SENP1: variants seen among roughly 807,000 people sequenced by gnomAD.
SENP1 encodes the protein SUMO specific peptidase 1.
In SENP1, 21 loss-of-function variants were observed where a neutral mutation model predicts 93.0. The observed-to-expected ratio is 0.23, with a 90% CI of 0.16 to 0.33. The LOEUF (loss-of-function observed/expected upper bound fraction) is 0.33. Ranked by LOEUF, SENP1 falls within the 10% of genes least tolerant of loss-of-function variation. The probability of loss-of-function intolerance (pLI) is 1.00; values close to 1 mark genes in which losing one functional copy is unlikely to be tolerated. For synonymous variants in SENP1, 256 were observed against 259.6 expected (o/e 0.99, Z 0.13); for missense variants, 591 against 758.7 (o/e 0.78, Z 2.60).
In SENP1 at chr12:48,067,067, G is replaced by A. The variant is rs995149503; in HGVS notation, c.996-102C>T. 5.9e-5 allele frequency: 45 copies of A among 762,108 alleles called. No individual in the cohort carries two copies. In the Admixed American group the frequency reaches 1.1e-3, roughly 18 times the overall value. The allele number at this position is 762,108 out of a possible 1,614,324, so 47.2% of individuals were successfully genotyped here. A position where few individuals can be genotyped will look rare whatever the true frequency, so the allele number is the denominator to read the frequency against. Reference sequence around the variant, plus strand: ...ACAATCATTTAAATTGTTTATATGAGTGCTTTACAAGTATGGAATAAGTAA... The same window carrying A: ...ACAATCATTTAAATTGTTTATATGAATGCTTTACAAGTATGGAATAAGTAA... On this transcript the variant is annotated intron_variant, in intron 9 of 17. Coordinates refer to ENST00000549518, the MANE Select transcript of SENP1 (RefSeq NM_001267594.2).
chr12:48,099,803 T>C (rs1945800095), intron 2 of SENP1, among the ~76,000 whole-genome samples: 1 of 152,224 alleles, frequency 6.6e-6, no homozygotes, highest in Non-Finnish European at 1.5e-5. Context: ...AGTGAGACCC[T>C]GTCTCTAATA....
rs1470068307 is a variant in SENP1, at chr12:48,065,354, T to G, written c.1120-134A>C. The G allele has an allele frequency of 5.3e-6, 4 of 753,090 alleles. No homozygotes were observed. The African/African-American group carries it at 7.1e-5, about 13-fold the overall frequency. 46.7% of individuals were successfully genotyped at this position (753,090 alleles called of 1,614,324 possible). A position where few individuals can be genotyped will look rare whatever the true frequency, so the allele number is the denominator to read the frequency against. ...TAAATGCCCATTGCTTTCGCTTTTT[T>G]GTAAAGTCAAAAAATCATTAGTCGA... is the stretch of plus-strand genomic sequence containing the variant. On this transcript the variant is annotated intron_variant, in intron 11 of 17. Coordinates refer to ENST00000549518, the MANE Select transcript of SENP1 (RefSeq NM_001267594.2).
intron 6 of SENP1, among the ~76,000 whole-genome samples, chr12:48,078,694 A>G (rs1479298186): frequency 6.6e-6 from 1 of 152,024 alleles, no homozygotes; most frequent in African/African-American, 2.4e-5. Context: ...CTAACTGACA[A>G]TCTTATTTCT....
intron 17 of SENP1, 53 bp from the exon 18 acceptor site, chr12:48,045,437 TA>T: frequency 1.4e-6 from 2 of 1,453,094 alleles, no homozygotes. Flanking sequence ...CTAGACCTGA[TA>T]CGCCTTTCCC....
chr12:48,069,810 T>C (rs76132129), intron 9 of SENP1, among the ~76,000 whole-genome samples: 219 of 152,268 alleles, frequency 1.4e-3, no homozygotes, highest in African/African-American at 5.2e-3. Context: ...ATCCAAACTA[T>C]GAAGTCTCCC....
intron 13 of SENP1, among the ~76,000 whole-genome samples, chr12:48,052,160 C>T (rs1941865176): frequency 2.0e-5 from 3 of 152,162 alleles, no homozygotes; most frequent in African/African-American, 4.8e-5. Flanking sequence ...GAAAAGCCTA[C>T]AATGTTTTCA....
chr12:48,049,555 C>T (rs1941638510), intron 13 of SENP1, among the ~76,000 whole-genome samples: 1 of 152,192 alleles, frequency 6.6e-6, no homozygotes, highest in South Asian at 2.1e-4. Flanking sequence ...ATACTGAGCT[C>T]AGTTAGCGCC....
At chr12:48,077,318 G>A (rs771246210) in intron 6 of SENP1, among the ~76,000 whole-genome samples, 6 of 152,184 alleles carry the variant, frequency 3.9e-5, no homozygotes, top group Non-Finnish European at 8.8e-5. Flanking sequence ...ATGACTTTGC[G>A]TGCAAATCCA....
intron 12 of SENP1, among the ~76,000 whole-genome samples, chr12:48,064,205 A>G (rs566441149): frequency 6.6e-6 from 1 of 152,368 alleles, no homozygotes; most frequent in African/African-American, 2.4e-5. Flanking sequence ...AGAATTTTTC[A>G]TAAAAGGTAG....
At chr12:48,073,814 T>C (rs937798465) in intron 8 of SENP1, among the ~76,000 whole-genome samples, 1 of 152,182 alleles carries the variant, frequency 6.6e-6, no homozygotes, top group African/African-American at 2.4e-5. Flanking sequence ...ACAGAGAAAG[T>C]GCTGAAGCAA....
intron 2 of SENP1, among the ~76,000 whole-genome samples, chr12:48,098,344 A>C (rs1293773472): frequency 6.6e-6 from 1 of 151,814 alleles, no homozygotes; most frequent in Non-Finnish European, 1.5e-5. Context: ...CTACAAAAAA[A>C]TTTAAAAATT....
chr12:48,080,292 A>C (rs2137104199), intron 6 of SENP1: 1 of 152,342 alleles, frequency 6.6e-6, no homozygotes, highest in South Asian at 2.1e-4. Flanking sequence ...AATTTGAATT[A>C]ATTTAAACAG....
At chr12:48,046,572 G>C in intron 16 of SENP1, 121 bp from the exon 17 acceptor site, 1 of 728,834 alleles carries the variant, frequency 1.4e-6, no homozygotes, top group South Asian at 1.6e-5. Flanking sequence ...AGATGACTCT[G>C]GCCCCCCAGT....
intron 13 of SENP1, among the ~76,000 whole-genome samples, chr12:48,053,480 GAA>G (rs56951392): frequency 0.011 from 889 of 79,694 alleles, 12 homozygotes; most frequent in African/African-American, 0.036. Flanking sequence ...CCTGTCTCAG[GAA>G]AAAAAAAAAA....
chr12:48,073,562 T>C (rs1037022620), intron 8 of SENP1, among the ~76,000 whole-genome samples: 1 of 152,136 alleles, frequency 6.6e-6, no homozygotes, highest in Non-Finnish European at 1.5e-5. Context: ...TGATACATAA[T>C]ACATACCTAA....
At chr12:48,059,031 C>T (rs748223762) in intron 13 of SENP1, among the ~76,000 whole-genome samples, 6 of 152,242 alleles carry the variant, frequency 3.9e-5, no homozygotes, top group Non-Finnish European at 7.4e-5. Context: ...TTTTCCTTCT[C>T]GTTGCACTTA....
chr12:48,083,528 C>T (rs780858120), intron 6 of SENP1, 63 bp downstream of exon 6: 17 of 1,315,446 alleles, frequency 1.3e-5, no homozygotes, highest in Non-Finnish European at 1.8e-5. Context: ...TAATAGGGAG[C>T]AAATGGCTCA....
chr12:48,046,597 C>G, intron 16 of SENP1, 146 bp from the exon 17 acceptor site: 1 of 643,760 alleles, frequency 1.6e-6, no homozygotes, highest in South Asian at 1.8e-5. Context: ...ACAACAGAGG[C>G]TCAAAGAAAC....
chr12:48,070,415 C>T (rs1356902255), intron 9 of SENP1, among the ~76,000 whole-genome samples: 3 of 152,152 alleles, frequency 2.0e-5, no homozygotes, highest in Admixed American at 2.0e-4. Flanking sequence ...GCACTTATCA[C>T]AAGGCATATA....
Sources: allele counts gnomAD v4.1 joint callset (sites outside exome capture counted in the v4.1 genomes callset), GRCh38; gene constraint gnomAD v4.1.1; transcripts MANE v1.5; gene names NCBI Gene and HGNC (gene_info 2026-07-23, HGNC 2026-07-21).